POF1B: variants seen among roughly 807,000 people sequenced by gnomAD.
POF1B encodes the protein protein POF1B.
Under a neutral mutation model 55.3 loss-of-function variants are expected in POF1B, and 53 were observed. The observed-to-expected ratio is 0.96, with a 90% CI of 0.77 to 1.20. The LOEUF (loss-of-function observed/expected upper bound fraction) is 1.20. Ranked by LOEUF, POF1B falls within the 50% of genes most tolerant of loss-of-function variation. The probability of loss-of-function intolerance (pLI) is 0.00; values close to 1 mark genes in which losing one functional copy is unlikely to be tolerated. For missense variants in POF1B, 478 were observed against 420.5 expected, an observed-to-expected ratio of 1.14 and a Z score of -1.20; for synonymous variants, 188 against 148.3, an observed-to-expected ratio of 1.27 and a Z score of -1.95.
At chrX:85,316,247 T>C (rs1370202758) in intron 7 of POF1B, among the ~76,000 whole-genome samples, 8 of 111,776 alleles carry the variant, frequency 7.2e-5, no homozygotes, top group African/African-American at 2.6e-4. Flanking sequence ...AGAGTATATT[T>C]GGTAATGACT....
intron 6 of POF1B, among the ~76,000 whole-genome samples, chrX:85,341,786 T>A (rs1321797071): frequency 9.0e-6 from 1 of 111,027 alleles, no homozygotes; most frequent in African/African-American, 3.3e-5. Flanking sequence ...ATAGTGAGCT[T>A]CACAGAGACC....
rs867918858 is a variant in POF1B at position 85,346,019 on chromosome X, G to A, written c.564C>T (p.Cys188=). The A allele has an allele frequency of 7.5e-6, 9 of 1,192,960 alleles. No homozygotes were observed. The African/African-American group carries it at 1.1e-4, about 14-fold the overall frequency. ...TDQGCHPQAQ[C]HHHIIQQPQV... ...GGGGCTGTTGGATAATGTGATGATG[G>A]CATTGAGCCTGAGGATGGCACCCCT... The change falls in exon 6 of 17, where the codon TGC becomes TGT. Residue 188 remains cysteine, a synonymous_variant. Transcript: ENST00000262753.
In POF1B at chrX:85,345,994, G is replaced by A. The variant is rs1458861328; in HGVS notation, c.589C>T (p.Gln197Ter). 1 of 1,201,610 alleles carries A rather than the reference G, an allele frequency of 8.3e-7. No individual in the cohort carries two copies. The part of the protein sequence containing the change: ...QCHHHIIQQP[Q>*]VIHSAHWQQP... ...TGCCAGTGTGCAGAGTGGATGACCT[G>A]GGGCTGTTGGATAATGTGATGATGG... The change falls in exon 6 of 17, where the codon CAG (glutamine) becomes TAG (stop). Residue 197 changes from glutamine (Q) to a stop codon, truncating the protein, a stop_gained. Transcript: ENST00000262753. LOFTEE classifies it high-confidence loss of function.
At position 85,379,305 on chromosome X, in the gene POF1B, C is replaced by G. The variant is rs145551483; in HGVS notation, c.150G>C (p.Glu50Asp). 2.1e-5 allele frequency: 25 copies of G among 1,208,021 alleles called. No individual in the cohort carries two copies. The highest frequency in any genetic ancestry group is 2.5e-5 in the Non-Finnish European group (22 of 894,904). The change falls in exon 2 of 17, where the codon GAG becomes GAC. Residue 50 changes from glutamate to aspartate, a missense_variant. Coordinates refer to ENST00000262753, the MANE Select transcript of POF1B (RefSeq NM_024921.4). ...TGGGCCCACTGTAGGTCCTCACTCGCTCATACACTACATTTTTTTCTGGAG... is the reference window on the plus strand; with the variant it reads ...TGGGCCCACTGTAGGTCCTCACTCGGTCATACACTACATTTTTTTCTGGAG... ...QQPPEKNVVY[E>D]RVRTYSGPMN...
At chrX:85,348,050 A>G (rs1010556470) in intron 5 of POF1B, among the ~76,000 whole-genome samples, 13 of 110,952 alleles carry the variant, frequency 1.2e-4, no homozygotes, top group African/African-American at 3.9e-4. Flanking sequence ...AGCACACATC[A>G]CTAGAGGGCA....
chrX:85,351,652 G>C (rs1273080403), intron 4 of POF1B, among the ~76,000 whole-genome samples: 1 of 110,591 alleles, frequency 9.0e-6, no homozygotes, highest in African/African-American at 3.3e-5. Flanking sequence ...GAACAATCTG[G>C]ATTTCTCCTA....
At chrX:85,353,203 G>T (rs1169108062) in intron 4 of POF1B, among the ~76,000 whole-genome samples, 1 of 110,816 alleles carries the variant, frequency 9.0e-6, no homozygotes, top group Non-Finnish European at 1.9e-5. Context: ...GAAGAAAATG[G>T]TATTCCAAGT....
At chrX:85,321,115 C>A (rs1932833409) in intron 7 of POF1B, among the ~76,000 whole-genome samples, 1 of 111,456 alleles carries the variant, frequency 9.0e-6, no homozygotes, top group South Asian at 3.8e-4. Flanking sequence ...ATCCTGATAC[C>A]AAAGCCGGGA....
At chrX:85,370,627 T>C (rs1933803530) in intron 2 of POF1B, among the ~76,000 whole-genome samples, 1 of 111,582 alleles carries the variant, frequency 9.0e-6, no homozygotes, top group South Asian at 3.7e-4. Flanking sequence ...CCCTTTTCCC[T>C]GGAAGTCTAC....
chrX:85,360,527 G>GTATA (rs142665633), intron 3 of POF1B, among the ~76,000 whole-genome samples: 1,539 of 58,426 alleles, frequency 0.026, 20 homozygotes, highest in Non-Finnish European at 0.03. Flanking sequence ...TCCATGGTAT[G>GTATA]TATATATATA....
At chrX:85,338,189 T>C (rs1933109626) in intron 6 of POF1B, among the ~76,000 whole-genome samples, 1 of 111,639 alleles carries the variant, frequency 9.0e-6, no homozygotes, top group Non-Finnish European at 1.9e-5. Context: ...CAACTCATCT[T>C]GTTCATCAAA....
chrX:85,367,859 T>C, intron 2 of POF1B, 93 bp from the exon 3 acceptor site: 2 of 555,803 alleles, frequency 3.6e-6, no homozygotes, highest in Non-Finnish European at 5.8e-6. Context: ...ATGTGGTTAG[T>C]CAGAAATAAG....
intron 5 of POF1B, among the ~76,000 whole-genome samples, chrX:85,347,416 T>C (rs1933294687): frequency 9.0e-6 from 1 of 111,256 alleles, no homozygotes; most frequent in African/African-American, 3.3e-5. Flanking sequence ...CTTTCTGCTG[T>C]AACATGTTTT....
At chrX:85,366,827 A>G (rs1402658764) in intron 3 of POF1B, among the ~76,000 whole-genome samples, 1 of 111,923 alleles carries the variant, frequency 8.9e-6, no homozygotes, top group Admixed American at 9.5e-5. Flanking sequence ...TAAGTGCATT[A>G]CTCTAATTGA....
intron 3 of POF1B, among the ~76,000 whole-genome samples, chrX:85,362,811 A>T (rs1170841109): frequency 6.3e-5 from 7 of 111,188 alleles, no homozygotes; most frequent in Non-Finnish European, 1.3e-4. Flanking sequence ...AGTACTTTCA[A>T]TATGAATGGT....
At chrX:85,309,512 G>A (rs973687729) in intron 9 of POF1B, among the ~76,000 whole-genome samples, 4 of 111,571 alleles carry the variant, frequency 3.6e-5, no homozygotes, top group African/African-American at 1.3e-4. Context: ...TGGGACCTGA[G>A]AAATGACACA....
intron 5 of POF1B, among the ~76,000 whole-genome samples, chrX:85,350,007 T>C (rs190548256): frequency 9.0e-6 from 1 of 110,604 alleles, no homozygotes; most frequent in East Asian, 2.9e-4. Flanking sequence ...CTAGATGCCA[T>C]GGAATTACTG....
intron 6 of POF1B, among the ~76,000 whole-genome samples, chrX:85,341,823 A>G (rs1459326699): frequency 9.0e-6 from 1 of 110,974 alleles, no homozygotes; most frequent in African/African-American, 3.3e-5. Flanking sequence ...TGACACTAAG[A>G]TCTGATGTTT....
chrX:85,376,360 T>C (rs1933920521), intron 2 of POF1B, among the ~76,000 whole-genome samples: 1 of 111,813 alleles, frequency 8.9e-6, no homozygotes, highest in Admixed American at 9.5e-5. Flanking sequence ...TTGTAAAAGA[T>C]TGAACTAAGA....
Sources: gnomAD v4.1 joint callset for allele counts (sites outside exome capture counted in the v4.1 genomes callset) on GRCh38, gnomAD v4.1.1 for gene constraint, MANE v1.5 for transcripts, NCBI Gene and HGNC (gene_info 2026-07-23, HGNC 2026-07-21) for gene names.